The following DNAJC14 variants were observed in gnomAD, a reference collection of about 807,000 sequenced individuals.
DNAJC14 encodes dnaJ homolog subfamily C member 14.
Under a neutral mutation model 68.8 loss-of-function variants are expected in DNAJC14, and 12 were observed. That is an observed-to-expected ratio of 0.17 (90% CI 0.11 to 0.28). The LOEUF (loss-of-function observed/expected upper bound fraction) is 0.28, where lower values mean the gene tolerates loss of function less well. Ranked by LOEUF, DNAJC14 falls within the 10% of genes least tolerant of loss-of-function variation. DNAJC14 has a pLI of 1.00. For missense variants in DNAJC14, 764 were observed against 875.6 expected, an observed-to-expected ratio of 0.87 and a Z score of 1.61; for synonymous variants, 350 against 321.5, an observed-to-expected ratio of 1.09 and a Z score of -0.95.
rs199695852 is a variant in DNAJC14 at position 55,821,981 on chromosome 12, C to T, written c.2105G>A (p.Arg702His). 18 of 1,610,202 alleles carry T rather than the reference C, an allele frequency of 1.1e-5. No homozygotes were observed. The highest frequency in any genetic ancestry group is 2.2e-5 in the East Asian group (1 of 44,836). ...RRKKVRRPFQ[R>H] ...TTTGAGGAAAGAGAAGGGGCATCAA[C>T]GTTGGAAGGGCCTCCTCACTTTCTT... The change falls in exon 7 of 7, where the codon CGT (arginine) becomes CAT (histidine). Residue 702 changes from arginine to histidine, a missense_variant. Physicochemically the swap from Arg to His is conservative, Grantham distance 29. Transcript: ENST00000678005.
At chr12:55,822,792 A>G in intron 4 of DNAJC14, 60 bp from the exon 5 acceptor site, 1 of 1,586,052 alleles carries the variant, frequency 6.3e-7, no homozygotes, top group Non-Finnish European at 8.6e-7. Flanking sequence ...GGGCACTGCT[A>G]GTAGTCTTAC....
Position 55,827,744 on chromosome 12 carries a change from C to T in DNAJC14, c.915G>A (p.Met305Ile). Reference sequence around the variant, plus strand: ...AAAACCCCTGGCTTAGAAACTGAAACATGACCTGGGCCCAGCCCCCTAACC... The same window carrying T: ...AAAACCCCTGGCTTAGAAACTGAAATATGACCTGGGCCCAGCCCCCTAACC... ...TGRLGGWAQV[M>I]FQFLSQGFYC... Residue 305 changes from methionine (M) to isoleucine (I), a missense_variant, in exon 2 of 7, where the codon ATG becomes ATA. By Grantham distance (10) the Met-to-Ile change is conservative (BLOSUM62 1). This residue lies in a region of DNAJC14 where 514 missense variants were observed against 521.7 expected (regional missense o/e 0.99). Transcript: ENST00000678005. The T allele has an allele frequency of 6.2e-7, 1 of 1,614,118 alleles. No homozygotes were observed. The highest frequency in any genetic ancestry group is 1.1e-5 in the South Asian group (1 of 91,076).
Position 55,828,059 on chromosome 12 carries a change from G to C in DNAJC14, c.600C>G (p.Arg200=). ...CCCGAGTATCCTCCTTCGTTGGAAA[G>C]CGGTGCCGCTGTCTCCGGGATGGGG... is the stretch of plus-strand genomic sequence containing the variant. The part of the protein sequence containing the change: ...KKPPSRRQRH[R]FPTKEDTREG... Residue 200 remains arginine (R), a synonymous_variant, in exon 2 of 7, where the codon CGC becomes CGG. Transcript: ENST00000678005. The C allele has an allele frequency of 6.2e-7, 1 of 1,611,156 alleles. No homozygotes were observed. The highest frequency in any genetic ancestry group is 1.3e-5 in the African/African-American group (1 of 74,902).
intron 4 of DNAJC14, 106 bp from the exon 5 acceptor site, chr12:55,822,838 A>AC (rs1222372928): frequency 6.8e-7 from 1 of 1,461,964 alleles, no homozygotes; most frequent in African/African-American, 1.4e-5. Context: ...ATCTAAAATT[A>AC]CCCCACTTAG....
chr12:55,822,562 CAGAG>C lies in DNAJC14; in HGVS notation c.1795+6_1795+9del, dbSNP rs554043997. 6.2e-7 allele frequency: 1 copy of C among 1,614,134 alleles called. No individual in the cohort carries two copies. Among genetic ancestry groups the C allele is most frequent in the Non-Finnish European group, 8.5e-7 (1 of 1,180,002 alleles). ...AGTATGAGCCTGTATTTCTAGAGGA[CAGAG>C]AGTACCTGTGATGTCATACACCTTT... On this transcript the variant is annotated splice_donor_region_variant and intron_variant, in intron 5 of 6. Transcript: ENST00000678005.
chr12:55,823,157 G>A lies in DNAJC14; in HGVS notation c.1547C>T (p.Ser516Leu), dbSNP rs1299649851. 4 of 1,613,986 alleles carry A rather than the reference G, an allele frequency of 2.5e-6. No homozygotes were observed. The highest frequency in any genetic ancestry group is 3.4e-6 in the Non-Finnish European group (4 of 1,180,032). The change falls in exon 4 of 7, where the codon TCA becomes TTA. Residue 516 changes from serine (S) to leucine (L), a missense_variant. By Grantham distance (145) the Ser-to-Leu change is moderately radical (BLOSUM62 -2). This residue lies in a region of DNAJC14 where 110 missense variants were observed against 162.7 expected (regional missense o/e 0.68). Transcript: ENST00000678005. ...CAGCTTGGACAGAAACTCATTTACT[G>A]ACCGGCTCAGCTCATTCTCTGCCAT... is the stretch of plus-strand genomic sequence containing the variant. The part of the protein sequence containing the change: ...KRMAENELSR[S>L]VNEFLSKLQD...
chr12:55,827,303 G>A lies in DNAJC14; in HGVS notation c.1356C>T (p.Ala452=). ...LNPFHVLGVE[A]TASDVELKKA... ...TCTTCAGTTCAACATCTGATGCTGTGGCCTCAACCCCCAGTACATGGAAAG... is the reference window on the plus strand; with the variant it reads ...TCTTCAGTTCAACATCTGATGCTGTAGCCTCAACCCCCAGTACATGGAAAG... The change falls in exon 2 of 7, where the codon GCC becomes GCT. Residue 452 remains alanine, a synonymous_variant. Coordinates refer to ENST00000678005, the MANE Select transcript of DNAJC14 (RefSeq NM_032364.6). 5 of 1,588,754 alleles carry A rather than the reference G, an allele frequency of 3.1e-6. No individual in the cohort carries two copies. The highest frequency in any genetic ancestry group is 3.4e-6 in the Non-Finnish European group (4 of 1,166,530).
Position 55,828,286 on chromosome 12 carries a change from T to A in DNAJC14, c.373A>T (p.Ile125Phe). 1 of 1,609,258 alleles carries A rather than the reference T, an allele frequency of 6.2e-7. No homozygotes were observed. Among genetic ancestry groups the A allele is most frequent in the Admixed American group, 1.7e-5 (1 of 58,750 alleles). ...NQKDGNSFLS[I>F]PSACNCQGTP... The stretch of plus-strand genomic sequence containing the variant: ...CCCTGGCAGTTGCAAGCAGATGGAA[T>A]GGAAAGAAAAGAGTTCCCATCCTTC... Residue 125 changes from isoleucine (I) to phenylalanine (F), a missense_variant, in exon 2 of 7, where the codon ATT (isoleucine) becomes TTT (phenylalanine). Transcript: ENST00000678005.
chr12:55,821,839 G>C lies in DNAJC14; in HGVS notation c.*138C>G. On this transcript the variant is annotated 3_prime_UTR_variant, in exon 7 of 7. Transcript: ENST00000678005. The stretch of plus-strand genomic sequence containing the variant: ...ACCACTGCACTCCAGCTGGGCAACA[G>C]AGCAAGACTCCATCTCAAAAAATAA... The C allele has an allele frequency of 1.0e-6, 1 of 988,620 alleles. No individual in the cohort carries two copies. Among genetic ancestry groups the C allele is most frequent in the Non-Finnish European group, 1.5e-6 (1 of 684,422 alleles). 61.2% of individuals were successfully genotyped at this position (988,620 alleles called of 1,614,324 possible). A position where few individuals can be genotyped will look rare whatever the true frequency, so the allele number is the denominator to read the frequency against.
Position 55,822,469 on chromosome 12 carries a change from G to C in DNAJC14, c.1802C>G (p.Ala601Gly). ...GGAGATACCTACACGCTGGCATCCA[G>C]CCCACTCTATAAACATGAGAAATAA... ...DGKVYDITEW[A>G]GCQRVGISPD... Residue 601 changes from alanine (A) to glycine (G), a missense_variant, in exon 6 of 7, where the codon GCT (alanine) becomes GGT (glycine). Around this residue, in one of 4 missense-constraint regions of DNAJC14, gnomAD observed 134 missense variants for 162.3 expected, o/e 0.83. Transcript: ENST00000678005. The C allele has an allele frequency of 6.2e-7, 1 of 1,613,980 alleles. No individual in the cohort carries two copies. The highest frequency in any genetic ancestry group is 8.5e-7 in the Non-Finnish European group (1 of 1,179,980).
chr12:55,826,223 CA>C (rs569485434), intron 2 of DNAJC14, among the ~76,000 whole-genome samples: 22 of 142,628 alleles, frequency 1.5e-4, no homozygotes, highest in Non-Finnish European at 2.6e-4. Flanking sequence ...TATCTCGTGA[CA>C]AACAAAATGG....
rs769516906 is a variant in DNAJC14 at position 55,827,317 on chromosome 12, G to A, written c.1342C>T (p.Leu448=). The change falls in exon 2 of 7, where the codon CTG becomes TTG. Residue 448 remains leucine (L), a synonymous_variant. Coordinates refer to ENST00000678005, the MANE Select transcript of DNAJC14 (RefSeq NM_032364.6). ...TCTGATGCTGTGGCCTCAACCCCCA[G>A]TACATGGAAAGGGTTTAGCTCATCC... ...PEDELNPFHV[L]GVEATASDVE... is the part of the protein sequence containing the mutation. 6 of 1,604,766 alleles carry A rather than the reference G, an allele frequency of 3.7e-6. No individual in the cohort carries two copies. In the South Asian group the frequency reaches 6.7e-5, roughly 18 times the overall value.
rs951857633 is a variant in DNAJC14 at position 55,829,581 on chromosome 12, A to G, written c.-149T>C. Reference sequence around the variant, plus strand: ...GCTCTCCCGGCTCCGCCTCCCGCTCACGCTCTGCTTCCGCCTTCCGTCCCC... The same window carrying G: ...GCTCTCCCGGCTCCGCCTCCCGCTCGCGCTCTGCTTCCGCCTTCCGTCCCC... On this transcript the variant is annotated 5_prime_UTR_variant, in exon 1 of 7. Transcript: ENST00000678005. 10 of 985,022 alleles carry G rather than the reference A, an allele frequency of 1.0e-5. No homozygotes were observed. The African/African-American group carries it at 1.4e-4, about 14-fold the overall frequency. 61.0% of individuals were successfully genotyped at this position (985,022 alleles called of 1,614,324 possible).
In DNAJC14 at chr12:55,828,085, G is replaced by T; in HGVS notation, c.574C>A (p.Pro192Thr). 3 of 1,602,894 alleles carry T rather than the reference G, an allele frequency of 1.9e-6. No homozygotes were observed. The highest frequency in any genetic ancestry group is 2.6e-6 in the Non-Finnish European group (3 of 1,174,562). Residue 192 changes from proline (P) to threonine (T), a missense_variant, in exon 2 of 7, where the codon CCC becomes ACC. Around this residue, in one of 4 missense-constraint regions of DNAJC14, gnomAD observed 514 missense variants for 521.7 expected, o/e 0.99. Coordinates refer to ENST00000678005, the MANE Select transcript of DNAJC14 (RefSeq NM_032364.6). ...DFSRVSSGKK[P>T]PSRRQRHRFP... ...CGGTGCCGCTGTCTCCGGGATGGGG[G>T]TTTCTTTCCGCTGGACACACGTGAA...
In DNAJC14 at chr12:55,827,362, T is replaced by A; in HGVS notation, c.1297A>T (p.Thr433Ser). Residue 433 changes from threonine (T) to serine (S), a missense_variant, in exon 2 of 7, where the codon ACC becomes TCC. Coordinates refer to ENST00000678005, the MANE Select transcript of DNAJC14 (RefSeq NM_032364.6). ...TCATCCTCAGGAACCCCAGCCATGG[T>A]CAAGAGTCGAGCCACTTCCTCTTCA... is the stretch of plus-strand genomic sequence containing the variant. ...QPEEEVARLL[T>S]MAGVPEDELN... 1 of 1,613,744 alleles carries A rather than the reference T, an allele frequency of 6.2e-7. No individual in the cohort carries two copies. Among genetic ancestry groups the A allele is most frequent in the Non-Finnish European group, 8.5e-7 (1 of 1,179,868 alleles).
At chr12:55,823,249 A>G in intron 3 of DNAJC14, 60 bp from the exon 4 acceptor site, 1 of 1,612,038 alleles carries the variant, frequency 6.2e-7, no homozygotes, top group South Asian at 1.1e-5. Flanking sequence ...AGGAAGACAT[A>G]TCAGTTGGCC....
intron 2 of DNAJC14, among the ~76,000 whole-genome samples, chr12:55,825,741 T>TC (rs1437731340): frequency 6.6e-6 from 1 of 151,992 alleles, no homozygotes; most frequent in Non-Finnish European, 1.5e-5. Context: ...AGACAGGGTT[T>TC]CACCATGTTA....
intron 2 of DNAJC14, 145 bp from the exon 3 acceptor site, chr12:55,823,653 T>G (rs1880725834): frequency 1.6e-6 from 1 of 644,154 alleles, no homozygotes; most frequent in Non-Finnish European, 2.7e-6. Flanking sequence ...TCTGCAGATC[T>G]GGTTCAATTC....
chr12:55,827,309 A>G lies in DNAJC14; in HGVS notation c.1350T>C (p.Val450=). The G allele has an allele frequency of 3.8e-6, 6 of 1,594,210 alleles. No homozygotes were observed. The highest frequency in any genetic ancestry group is 5.1e-6 in the Non-Finnish European group (6 of 1,169,578). The change falls in exon 2 of 7, where the codon GTT becomes GTC. Residue 450 remains valine, a synonymous_variant. Coordinates refer to ENST00000678005, the MANE Select transcript of DNAJC14 (RefSeq NM_032364.6). Reference sequence around the variant, plus strand: ...GTTCAACATCTGATGCTGTGGCCTCAACCCCCAGTACATGGAAAGGGTTTA... The same window carrying G: ...GTTCAACATCTGATGCTGTGGCCTCGACCCCCAGTACATGGAAAGGGTTTA... ...DELNPFHVLG[V]EATASDVELK...
Sources: allele counts gnomAD v4.1 joint callset (sites outside exome capture counted in the v4.1 genomes callset), GRCh38; gene constraint gnomAD v4.1.1; regional missense constraint gnomAD v4.1.1; transcripts MANE v1.5; gene names NCBI Gene and HGNC (gene_info 2026-07-23, HGNC 2026-07-21).